Variants in ZNF487 observed in about 807,000 individuals in gnomAD.
The protein encoded by ZNF487 is zinc finger protein 487, also known as KRAB domain only 1.
In ZNF487, 4 loss-of-function variants were observed where a neutral mutation model predicts 3.0. The ratio of observed to expected loss-of-function variants is 1.35; its 90% CI spans 0.66 to 3.08. The LOEUF (loss-of-function observed/expected upper bound fraction) is 3.08. Ranked by LOEUF, ZNF487 falls within the 30% of genes most tolerant of loss-of-function variation. The pLI, the probability that ZNF487 is intolerant of heterozygous loss-of-function variation, is 0.01. For synonymous variants in ZNF487, 55 were observed against 34.6 expected (o/e 1.59, Z -2.06); for missense variants, 146 against 98.7 (o/e 1.48, Z -2.03).
chr10:43,511,085 C>T, the ZNF487 span, among the ~76,000 whole-genome samples: 3 of 152,134 alleles, frequency 2.0e-5, no homozygotes, highest in Non-Finnish European at 4.4e-5. Flanking sequence ...TCCCTTGATT[C>T]CTGGACCCAT....
the ZNF487 span, among the ~76,000 whole-genome samples, chr10:43,498,108 TTTTTTC>T: frequency 6.9e-3 from 67 of 9,736 alleles, 3 homozygotes; most frequent in East Asian, 0.027. Context: ...TATTTTTTTT[TTTTTTC>T]TTTTTTTTTT....
chr10:43,465,198 C>T (rs1425016727), intron 1 of ZNF487, among the ~76,000 whole-genome samples: 2 of 149,748 alleles, frequency 1.3e-5, no homozygotes, highest in African/African-American at 4.9e-5. Context: ...GGGCTGACCC[C>T]CCCACCTCCC....
chr10:43,459,388 C>A (rs571388895), intron 1 of ZNF487, among the ~76,000 whole-genome samples: 6 of 152,192 alleles, frequency 3.9e-5, no homozygotes, highest in Non-Finnish European at 8.8e-5. Flanking sequence ...TGCTACCACA[C>A]CTGGCTAGTT....
chr10:43,459,958 C>G (rs1206691581), intron 1 of ZNF487, among the ~76,000 whole-genome samples: 1 of 151,602 alleles, frequency 6.6e-6, no homozygotes, highest in Non-Finnish European at 1.5e-5. Flanking sequence ...CCTGCCACCA[C>G]GCCCAGCTAA....
At chr10:43,493,709 A>AAATATATATATATAT in the ZNF487 span, among the ~76,000 whole-genome samples, 1 of 43,718 alleles carries the variant, frequency 2.3e-5, no homozygotes, top group Non-Finnish European at 4.0e-5. Flanking sequence ...AAAAAAAAAA[A>AAATATATATATATAT]ATATATATAT....
chr10:43,448,688 A>G (rs1839899601), intron 1 of ZNF487, among the ~76,000 whole-genome samples: 1 of 152,008 alleles, frequency 6.6e-6, no homozygotes, highest in African/African-American at 2.4e-5. Flanking sequence ...GCGGTGGCGC[A>G]CACCTGTAGT....
At chr10:43,464,381 TA>T (rs1259343776) in intron 1 of ZNF487, among the ~76,000 whole-genome samples, 6 of 151,712 alleles carry the variant, frequency 4.0e-5, no homozygotes, top group Non-Finnish European at 5.9e-5. Flanking sequence ...TTATTATTAT[TA>T]TTTTTTTTTA....
At chr10:43,510,322 C>A in the ZNF487 span, among the ~76,000 whole-genome samples, 1 of 152,136 alleles carries the variant, frequency 6.6e-6, no homozygotes, top group Non-Finnish European at 1.5e-5. Context: ...GGTGGAGTGA[C>A]CCAAACCTTC....
chr10:43,458,684 A>G (rs1227623550), intron 1 of ZNF487, among the ~76,000 whole-genome samples: 1 of 151,780 alleles, frequency 6.6e-6, no homozygotes, highest in African/African-American at 2.4e-5. Context: ...ATGACTTAGT[A>G]GAGAGTCTTC....
the ZNF487 span, among the ~76,000 whole-genome samples, chr10:43,518,371 T>C: frequency 3.4e-4 from 52 of 152,166 alleles, no homozygotes; most frequent in Non-Finnish European, 6.6e-4. Context: ...TGTATCACTA[T>C]TGCTACAGAC....
chr10:43,491,292 ACT>A, the ZNF487 span, among the ~76,000 whole-genome samples: 1,268 of 150,834 alleles, frequency 8.4e-3, 30 homozygotes, highest in East Asian at 0.093. Flanking sequence ...TAAGTGAATA[ACT>A]CTATGTTTAG....
the ZNF487 span, among the ~76,000 whole-genome samples, chr10:43,490,492 T>A: frequency 2.1e-5 from 3 of 145,860 alleles, no homozygotes; most frequent in East Asian, 2.1e-4. Flanking sequence ...TTTCCTGAAG[T>A]AGCTCTACTT....
chr10:43,481,090 G>T (rs374855304), intron 3 of ZNF487, among the ~76,000 whole-genome samples: 19 of 152,106 alleles, frequency 1.2e-4, no homozygotes, highest in African/African-American at 4.1e-4. Context: ...GAGCTGTGAT[G>T]CTGCCACTGC....
At chr10:43,464,943 C>T (rs1178712226) in intron 1 of ZNF487, among the ~76,000 whole-genome samples, 5 of 151,712 alleles carry the variant, frequency 3.3e-5, no homozygotes, top group African/African-American at 1.2e-4. Context: ...CCAGTAGGGG[C>T]GGCCGGGCAG....
chr10:43,466,396 T>G (rs1047265817), intron 1 of ZNF487, among the ~76,000 whole-genome samples: 1 of 150,366 alleles, frequency 6.7e-6, no homozygotes, highest in African/African-American at 2.5e-5. Flanking sequence ...TTTTCTTTTT[T>G]TCTTTCTTTC....
chr10:43,501,752 A>T, the ZNF487 span, among the ~76,000 whole-genome samples: 1 of 147,876 alleles, frequency 6.8e-6, no homozygotes, highest in African/African-American at 2.5e-5. Flanking sequence ...AAAAAAAAAC[A>T]AAAACAAAAA....
the ZNF487 span, among the ~76,000 whole-genome samples, chr10:43,514,005 T>C: frequency 6.6e-6 from 1 of 152,110 alleles, no homozygotes; most frequent in Non-Finnish European, 1.5e-5. Context: ...ACTATGTAAA[T>C]TGTCGGTAAT....
chr10:43,467,209 A>G (rs1840736925), intron 1 of ZNF487, among the ~76,000 whole-genome samples: 1 of 150,232 alleles, frequency 6.7e-6, no homozygotes, highest in Non-Finnish European at 1.5e-5. Context: ...TTTATTTTTT[A>G]TTTTTCTTTT....
chr10:43,490,194 A>G, the ZNF487 span, among the ~76,000 whole-genome samples: 1 of 152,058 alleles, frequency 6.6e-6, no homozygotes, highest in Non-Finnish European at 1.5e-5. Context: ...TACTAAAAAT[A>G]CAAAAAGGGG....
Sources: allele counts gnomAD v4.1 joint callset (sites outside exome capture counted in the v4.1 genomes callset), GRCh38; gene constraint gnomAD v4.1.1; transcripts MANE v1.5; gene names NCBI Gene and HGNC (gene_info 2026-07-23, HGNC 2026-07-21).